Variants in OCA2 observed in about 807,000 individuals in gnomAD.
The protein encoded by OCA2 is OCA2 melanosomal transmembrane protein, also known as P protein.
Under a neutral mutation model 100.2 loss-of-function variants are expected in OCA2, and 77 were observed. The observed-to-expected ratio is 0.77, with a 90% CI of 0.64 to 0.93. The LOEUF (loss-of-function observed/expected upper bound fraction) is 0.93, where lower values mean the gene tolerates loss of function less well. Ranked by LOEUF, OCA2 falls within the 40% of genes least tolerant of loss-of-function variation. The probability of loss-of-function intolerance (pLI) is 0.00; values close to 1 mark genes in which losing one functional copy is unlikely to be tolerated. For missense variants in OCA2, 1,062 were observed against 1,089.1 expected, an observed-to-expected ratio of 0.98 and a Z score of 0.35; for synonymous variants, 432 against 439.2, an observed-to-expected ratio of 0.98 and a Z score of 0.21.
intron 18 of OCA2, among the ~76,000 whole-genome samples, chr15:27,933,222 C>T (rs1166762188): frequency 6.6e-6 from 1 of 152,048 alleles, no homozygotes; most frequent in Non-Finnish European, 1.5e-5. Flanking sequence ...TATAAAACTC[C>T]TAAAAGAAAA....
At chr15:27,824,602 C>A (rs796937793) in intron 23 of OCA2, among the ~76,000 whole-genome samples, 2,755 of 47,730 alleles carry the variant, frequency 0.058, 234 homozygotes, top group Non-Finnish European at 0.069. Flanking sequence ...CTCTCTCTCT[C>A]TATATATATA....
chr15:27,727,643 C>T, the OCA2 span, among the ~76,000 whole-genome samples: 2 of 152,324 alleles, frequency 1.3e-5, no homozygotes, highest in South Asian at 4.1e-4. Context: ...GTAAAATCAT[C>T]CAGCACTCAG....
At chr15:28,069,389 TCCCCCTCCCCCTCCCCTTCCCCCTCC>T (rs2044134894) in intron 2 of OCA2, among the ~76,000 whole-genome samples, 19 of 5,626 alleles carry the variant, frequency 3.4e-3, no homozygotes, top group African/African-American at 0.016. Flanking sequence ...TCCCTCCCCC[TCCCCCTCCCCCTCCCCTTCCCCCTCC>T]CCCTCCCCCT....
chr15:27,876,018 A>G (rs972370951), intron 19 of OCA2, among the ~76,000 whole-genome samples: 1 of 151,956 alleles, frequency 6.6e-6, no homozygotes, highest in African/African-American at 2.4e-5. Flanking sequence ...ATTTCTTTAT[A>G]TTGTCATATT....
chr15:27,865,975 G>A (rs1401284571), intron 21 of OCA2, among the ~76,000 whole-genome samples: 1 of 152,200 alleles, frequency 6.6e-6, no homozygotes, highest in Non-Finnish European at 1.5e-5. Context: ...CTCCCAAAGA[G>A]CCATTCCTAT....
intron 23 of OCA2, among the ~76,000 whole-genome samples, chr15:27,812,880 C>A (rs2034134251): frequency 6.6e-6 from 1 of 152,146 alleles, no homozygotes. Flanking sequence ...GCCAGCCCAG[C>A]AGCTGCTTCA....
chr15:27,985,248 C>T (rs979431062), intron 12 of OCA2, 60 bp from the exon 13 acceptor site: 9 of 1,601,196 alleles, frequency 5.6e-6, no homozygotes, highest in Admixed American at 5.1e-5. Context: ...AGAACAGAGG[C>T]AGCCTTTCAT....
intron 19 of OCA2, among the ~76,000 whole-genome samples, chr15:27,893,158 G>A (rs2037537004): frequency 1.3e-5 from 2 of 152,214 alleles, no homozygotes; most frequent in African/African-American, 4.8e-5. Context: ...CCGTGGCAGA[G>A]GAACATAAAT....
intron 2 of OCA2, among the ~76,000 whole-genome samples, chr15:28,058,758 A>G (rs2043783027): frequency 6.6e-6 from 1 of 152,214 alleles, no homozygotes; most frequent in Non-Finnish European, 1.5e-5. Context: ...AGCCCCCAAA[A>G]TAGCTATGAA....
At chr15:27,962,015 A>G (rs2040426080) in intron 15 of OCA2, among the ~76,000 whole-genome samples, 1 of 152,130 alleles carries the variant, frequency 6.6e-6, no homozygotes, top group African/African-American at 2.4e-5. Context: ...TAATTAAAAT[A>G]ATAAAACAAA....
At chr15:27,791,884 T>C (rs1211823145) in intron 23 of OCA2, among the ~76,000 whole-genome samples, 2 of 152,082 alleles carry the variant, frequency 1.3e-5, no homozygotes, top group East Asian at 1.9e-4. Flanking sequence ...CAATGTTTTA[T>C]GATGGAGTGG....
rs901008018 is a variant in OCA2 at position 28,043,012 on chromosome 15, CTG to C, written c.228-10851_228-10850del. Among the ~76,000 whole-genome samples the C allele has an allele frequency of 6.6e-6, 1 of 152,166 alleles. No homozygotes were observed. Among genetic ancestry groups the C allele is most frequent in the African/African-American group, 2.4e-5 (1 of 41,438 alleles). ...ATATTTTTAAGAGAATGTCTACAAACTGTTTTTAAAATGCTTCCAGACAATTT... is the reference window on the plus strand; with the variant it reads ...ATATTTTTAAGAGAATGTCTACAAACTTTTTAAAATGCTTCCAGACAATTT... On this transcript the variant is annotated intron_variant, in intron 2 of 23. Coordinates refer to ENST00000354638, the MANE Select transcript of OCA2 (RefSeq NM_000275.3). The surrounding 1 kb of genome is among the most constrained non-coding windows in gnomAD (Gnocchi z 4.4).
At chr15:27,826,017 T>C (rs137936107) in intron 23 of OCA2, among the ~76,000 whole-genome samples, 38 of 152,352 alleles carry the variant, frequency 2.5e-4, no homozygotes, top group African/African-American at 8.7e-4. Context: ...GCTGAGAAGA[T>C]TGCAGAGAAT....
intron 9 of OCA2, among the ~76,000 whole-genome samples, chr15:28,003,424 C>T (rs1735621647): frequency 6.6e-6 from 1 of 152,234 alleles, no homozygotes; most frequent in African/African-American, 2.4e-5. Flanking sequence ...TAGAAGCTGG[C>T]GGTCCCCACC....
At chr15:27,854,186 C>T (rs2035867954) in intron 21 of OCA2, among the ~76,000 whole-genome samples, 2 of 152,212 alleles carry the variant, frequency 1.3e-5, no homozygotes, top group African/African-American at 2.4e-5. Context: ...CTGCATGCCC[C>T]TCTGGAGGTT....
At chr15:27,761,968 G>T (rs1476366516) in intron 23 of OCA2, among the ~76,000 whole-genome samples, 1 of 152,182 alleles carries the variant, frequency 6.6e-6, no homozygotes, top group Non-Finnish European at 1.5e-5. Context: ...GGAACTACAG[G>T]TGCCACCATG....
chr15:27,889,229 C>T (rs1326659011), intron 19 of OCA2, among the ~76,000 whole-genome samples: 1 of 152,196 alleles, frequency 6.6e-6, no homozygotes, highest in Non-Finnish European at 1.5e-5. Flanking sequence ...CCCTTGAGCG[C>T]TATATTTCAT....
chr15:28,077,008 AAG>A (rs1329633017), intron 2 of OCA2, among the ~76,000 whole-genome samples: 2 of 152,244 alleles, frequency 1.3e-5, no homozygotes, highest in East Asian at 1.9e-4. Context: ...GCAAATGGGA[AAG>A]AGAGAGTGGA....
At chr15:27,899,462 T>C (rs1259787340) in intron 19 of OCA2, among the ~76,000 whole-genome samples, 1 of 152,224 alleles carries the variant, frequency 6.6e-6, no homozygotes, top group East Asian at 1.9e-4. Context: ...TATGATTAGG[T>C]TAGAAATCCT....
Sources: allele counts gnomAD v4.1 joint callset (sites outside exome capture counted in the v4.1 genomes callset), GRCh38; gene constraint gnomAD v4.1.1; non-coding constraint Gnocchi (gnomAD v3.1); transcripts MANE v1.5; gene names NCBI Gene and HGNC (gene_info 2026-07-23, HGNC 2026-07-21).